C10orf105: variants seen among roughly 807,000 people sequenced by gnomAD.
C10orf105 encodes the protein uncharacterized protein C10orf105.
A neutral mutation model predicts 0.6 loss-of-function variants in C10orf105; 2 were observed. That is an observed-to-expected ratio of 3.18 (90% CI 1.30 to 10.01). The LOEUF (loss-of-function observed/expected upper bound fraction) is 10.01, where lower values mean the gene tolerates loss of function less well. Among genes scored for constraint, C10orf105 ranks in the 30% most tolerant of loss-of-function variants. The pLI is 0.04. For synonymous variants in C10orf105, 95 were observed against 82.4 expected (o/e 1.15, Z -0.83); for missense variants, 209 against 191.4 (o/e 1.09, Z -0.54).
intron 1 of C10orf105, among the ~76,000 whole-genome samples, chr10:71,736,610 C>G (rs1430546291): frequency 3.9e-5 from 6 of 152,184 alleles, no homozygotes; most frequent in Admixed American, 1.3e-4. Flanking sequence ...TGTCCTCCTT[C>G]CTCACCCACT....
intron 1 of C10orf105, among the ~76,000 whole-genome samples, chr10:71,727,754 G>A (rs997380173): frequency 7.2e-5 from 11 of 152,154 alleles, no homozygotes; most frequent in African/African-American, 2.7e-4. Flanking sequence ...GGAAACTGAG[G>A]CAAAGCACTG....
chr10:71,727,258 C>G (rs992226394), intron 1 of C10orf105, among the ~76,000 whole-genome samples: 4 of 152,222 alleles, frequency 2.6e-5, no homozygotes, highest in Non-Finnish European at 4.4e-5. Flanking sequence ...AGGCTTCATG[C>G]CTTGGCAGCC....
In C10orf105 at chr10:71,715,991, G is replaced by A. The variant is rs114813838; in HGVS notation, c.347C>T (p.Pro116Leu). 2,390 of 1,496,500 alleles carry A rather than the reference G, an allele frequency of 1.6e-3. 34 individuals carry two copies. The African/African-American group carries it at 0.03, about 19-fold the overall frequency. The allele number at this position is 1,496,500 out of a possible 1,614,324, so 92.7% of individuals were successfully genotyped here. A position where few individuals can be genotyped will look rare whatever the true frequency, so the allele number is the denominator to read the frequency against. The change falls in exon 2 of 2, where the codon CCG becomes CTG. Residue 116 changes from proline to leucine, a missense_variant. Coordinates refer to ENST00000441508, the MANE Select transcript of C10orf105 (RefSeq NM_001164375.3). ...GRPTVPRQPL[P>L]GPEDNRSHCD... ...GTGGCTGCGGTTGTCCTCGGGGCCC[G>A]GCAGGGGCTGTCGAGGGACGGTGGG...
At chr10:71,731,920 T>G in intron 1 of C10orf105, 1 of 1,525,554 alleles carries the variant, frequency 6.6e-7, no homozygotes, top group Non-Finnish European at 8.9e-7. Context: ...TGTGGCAGCT[T>G]GAGAAGCCAC....
Position 71,716,202 on chromosome 10 carries a change from A to G in C10orf105, c.136T>C (p.Phe46Leu). The change falls in exon 2 of 2, where the codon TTC becomes CTC. Residue 46 changes from phenylalanine to leucine, a missense_variant. Coordinates refer to ENST00000441508, the MANE Select transcript of C10orf105 (RefSeq NM_001164375.3). ...AGCAGACAGGTGGCCAGCAGGAGGA[A>G]GATGCAGGCCAGGGCGATGAGCATG... ...LPMLIALACI[F>L]LLLATCLLFM... 1 of 1,551,204 alleles carries G rather than the reference A, an allele frequency of 6.4e-7. No homozygotes were observed.
chr10:71,716,264 G>T lies in C10orf105; in HGVS notation c.74C>A (p.Thr25Asn). 6.5e-7 allele frequency: 1 copy of T among 1,543,260 alleles called. No individual in the cohort carries two copies. The highest frequency in any genetic ancestry group is 8.8e-7 in the Non-Finnish European group (1 of 1,141,928). Residue 25 changes from threonine (T) to asparagine (N), a missense_variant, in exon 2 of 2, where the codon ACT becomes AAT. Physicochemically the swap from Thr to Asn is moderately conservative, Grantham distance 65. Transcript: ENST00000441508. ...AGTTGCCTCTGCAAGGGTCCCGGGA[G>T]TGACGGGAGCTGAGAGAAAGGCGAG... ...SPLAFLSAPV[T>N]PGTLAEATDP...
In C10orf105 at chr10:71,716,119, C is replaced by A; in HGVS notation, c.219G>T (p.Glu73Asp). Reference sequence around the variant, plus strand: ...GGCTCCCAGGGTGGTGGGGCATGCACTCGTGAGCCCTGCGGCGGCTCGGGT... The same window carrying A: ...GGCTCCCAGGGTGGTGGGGCATGCAATCGTGAGCCCTGCGGCGGCTCGGGT... Reference protein sequence around the residue: ...ALDPSRRRAHECMPHHPGSPS... With the variant: ...ALDPSRRRAHDCMPHHPGSPS... Residue 73 changes from glutamate (E) to aspartate (D), a missense_variant, in exon 2 of 2, where the codon GAG (glutamate) becomes GAT (aspartate). Transcript: ENST00000441508. 1.9e-6 allele frequency: 3 copies of A among 1,548,878 alleles called. No homozygotes were observed. Among genetic ancestry groups the A allele is most frequent in the East Asian group, 2.4e-5 (1 of 40,882 alleles).
In C10orf105 at chr10:71,716,178, G is replaced by A; in HGVS notation, c.160C>T (p.Leu54=). 1 of 1,551,126 alleles carries A rather than the reference G, an allele frequency of 6.4e-7. No individual in the cohort carries two copies. The highest frequency in any genetic ancestry group is 1.2e-5 in the South Asian group (1 of 84,028). The change falls in exon 2 of 2, where the codon CTG becomes TTG. Residue 54 remains leucine, a synonymous_variant. Coordinates refer to ENST00000441508, the MANE Select transcript of C10orf105 (RefSeq NM_001164375.3). The part of the protein sequence containing the change: ...CIFLLLATCL[L]FMTLCKPAAL... ...GCCGGCTTGCAGAGCGTCATGAACA[G>A]CAGACAGGTGGCCAGCAGGAGGAAG...
intron 1 of C10orf105, among the ~76,000 whole-genome samples, chr10:71,737,464 A>G (rs6480551): frequency 0.082 from 12,415 of 152,178 alleles, 1,024 homozygotes; most frequent in African/African-American, 0.21. Context: ...CAGATAGGGG[A>G]GTGTGGCTGG....
chr10:71,716,395 A>T, intron 1 of C10orf105, 53 bp from the exon 2 acceptor site: 2 of 1,417,390 alleles, frequency 1.4e-6, no homozygotes, highest in Non-Finnish European at 1.9e-6. Flanking sequence ...GACCCAGGGC[A>T]GCGGGTATAG....
upstream of C10orf105, chr10:71,724,124 G>C: frequency 6.4e-7 from 1 of 1,553,578 alleles, no homozygotes; most frequent in African/African-American, 1.4e-5. Flanking sequence ...GGCTGCCCTA[G>C]GATGGGGGGC....
At position 71,713,500 on chromosome 10, in the gene C10orf105, G is replaced by A. The variant is rs1468947286; in HGVS notation, c.*2436C>T. 2.0e-5 allele frequency: 11 copies of A among 553,174 alleles called. No individual in the cohort carries two copies. The highest frequency in any genetic ancestry group is 3.3e-5 in the Admixed American group (1 of 30,704). The allele number at this position is 553,174 out of a possible 1,614,324, so 34.3% of individuals were successfully genotyped here. ...TCCCGGGCTTGGGAGGGACAGAAGCGTGGGAGGCTGGCAATGCTCCCCTCC... is the reference window on the plus strand; with the variant it reads ...TCCCGGGCTTGGGAGGGACAGAAGCATGGGAGGCTGGCAATGCTCCCCTCC... On this transcript the variant is annotated 3_prime_UTR_variant, in exon 2 of 2. Transcript: ENST00000441508.
In C10orf105 at chr10:71,735,883, C is replaced by T. The variant is rs550761566; in HGVS notation, c.-6+1845G>A. 7.7e-4 allele frequency among the ~76,000 whole-genome samples: 118 copies of T among 152,342 alleles called. 3 individuals are homozygous for T. The South Asian group carries it at 0.023, about 29-fold the overall frequency. On this transcript the variant is annotated intron_variant, in intron 1 of 1. Transcript: ENST00000398786. ...CCCCAAGGGCAGCCGGTGAGCAGAG[C>T]GCTCGGGCAGTGGGTGCCGAGCCAC...
chr10:71,737,146 C>T (rs778258891), intron 1 of C10orf105, among the ~76,000 whole-genome samples: 1 of 152,110 alleles, frequency 6.6e-6, no homozygotes, highest in Non-Finnish European at 1.5e-5. Context: ...TTCAAATGGG[C>T]GGACTGGGGC....
intron 1 of C10orf105, among the ~76,000 whole-genome samples, chr10:71,731,597 GC>G (rs1839387460): frequency 6.6e-6 from 1 of 152,136 alleles, no homozygotes; most frequent in African/African-American, 2.4e-5. Context: ...CCAAACCAAG[GC>G]TTGGCCATCT....
exon 1 of C10orf105, chr10:71,737,738 AGCCGCAGTGGCCTGTG>A (rs1326035577): frequency 2.1e-6 from 1 of 470,300 alleles, no homozygotes; most frequent in South Asian, 1.5e-5. Flanking sequence ...CTGTGATTCC[AGCCGCAGTGGCCTGTG>A]GCCGTCCGTG....
intron 1 of C10orf105, among the ~76,000 whole-genome samples, chr10:71,735,998 G>A (rs1475236544): frequency 6.6e-6 from 1 of 152,238 alleles, no homozygotes; most frequent in African/African-American, 2.4e-5. Context: ...TTCATACAAT[G>A]GGCCCACCTG....
At chr10:71,718,842 G>T (rs1293210502) in intron 1 of C10orf105, among the ~76,000 whole-genome samples, 1 of 152,106 alleles carries the variant, frequency 6.6e-6, no homozygotes, top group Non-Finnish European at 1.5e-5. Flanking sequence ...CAAGGCAGGA[G>T]GATCACTTGA....
At chr10:71,729,676 A>G (rs1004278445) in intron 1 of C10orf105, among the ~76,000 whole-genome samples, 5 of 152,320 alleles carry the variant, frequency 3.3e-5, no homozygotes, top group Admixed American at 1.3e-4. Flanking sequence ...GACATTCTCT[A>G]CTACAACTGC....
Sources: gnomAD v4.1 joint callset for allele counts (sites outside exome capture counted in the v4.1 genomes callset) on GRCh38, gnomAD v4.1.1 for gene constraint, MANE v1.5 for transcripts, NCBI Gene and HGNC (gene_info 2026-07-23, HGNC 2026-07-21) for gene names.